MS4A13: variants seen among roughly 807,000 people sequenced by gnomAD.
MS4A13 encodes the protein membrane-spanning 4-domains subfamily A member 13.
Under a neutral mutation model 18.4 loss-of-function variants are expected in MS4A13, and 21 were observed. The observed-to-expected ratio is 1.14, with a 90% CI of 0.81 to 1.64. MS4A13 has a LOEUF of 1.64. Among genes scored for constraint, MS4A13 ranks in the 40% most tolerant of loss-of-function variants. The pLI, the probability that MS4A13 is intolerant of heterozygous loss-of-function variation, is 0.00. For synonymous variants in MS4A13, 62 were observed against 57.2 expected (o/e 1.08, Z -0.38); for missense variants, 173 against 176.8 (o/e 0.98, Z 0.12).
intron 5 of MS4A13, among the ~76,000 whole-genome samples, chr11:60,525,968 G>A (rs1331628332): frequency 1.3e-5 from 2 of 151,996 alleles, no homozygotes; most frequent in East Asian, 1.9e-4. Context: ...CACATTTAAA[G>A]TGAGGACAAA....
chr11:60,526,482 T>C (rs1391466450), intron 5 of MS4A13, among the ~76,000 whole-genome samples: 6 of 152,242 alleles, frequency 3.9e-5, no homozygotes, highest in Non-Finnish European at 7.3e-5. Flanking sequence ...TGACAAACTA[T>C]TGTAGTCTGT....
chr11:60,518,061 T>C lies in MS4A13; in HGVS notation c.-12-11T>C. 1.3e-6 allele frequency: 2 copies of C among 1,563,312 alleles called. No homozygotes were observed. The highest frequency in any genetic ancestry group is 1.7e-6 in the Non-Finnish European group (2 of 1,147,544). ...CATTATTTCGGTACTAACATAATTC[T>C]CTTCTCACAGACTATCCAGATTATG... is the stretch of plus-strand genomic sequence containing the variant. On this transcript the variant is annotated splice_polypyrimidine_tract_variant and intron_variant, in intron 2 of 6. Transcript: ENST00000378186.
downstream of MS4A13, among the ~76,000 whole-genome samples, chr11:60,542,921 T>C (rs1024701967): frequency 2.0e-5 from 3 of 152,162 alleles, no homozygotes; most frequent in Non-Finnish European, 2.9e-5. Context: ...TGATGTCGTA[T>C]AATTCACAGG....
intron 3 of MS4A13, among the ~76,000 whole-genome samples, chr11:60,520,588 C>T (rs1436365012): frequency 1.3e-5 from 2 of 152,268 alleles, no homozygotes; most frequent in Non-Finnish European, 2.9e-5. Context: ...TCTCCTTTGA[C>T]TCCATGTCTC....
At chr11:60,527,410 C>CTCTCTCTGTGTGTGTGTG (rs1555024373) in intron 5 of MS4A13, among the ~76,000 whole-genome samples, 6 of 28,786 alleles carry the variant, frequency 2.1e-4, no homozygotes, top group East Asian at 1.5e-3. Context: ...CTCTCTCTCT[C>CTCTCTCTGTGTGTGTGTG]TGTGTGTGTG....
intron 5 of MS4A13, among the ~76,000 whole-genome samples, chr11:60,527,410 C>CTCTCTCTCTGTGTGTGTGTGTG (rs1555024373): frequency 6.9e-5 from 2 of 28,786 alleles, no homozygotes; most frequent in Non-Finnish European, 1.1e-4. Context: ...CTCTCTCTCT[C>CTCTCTCTCTGTGTGTGTGTGTG]TGTGTGTGTG....
chr11:60,538,177 T>TTAAAA (rs60140970), intron 6 of MS4A13, among the ~76,000 whole-genome samples: 11,369 of 73,414 alleles, frequency 0.15, 681 homozygotes, highest in Admixed American at 0.27. Context: ...TAAAGTATAA[T>TTAAAA]AAAAAAAAAA....
rs1327205724 is a variant in MS4A13, at chr11:60,516,002, A to C, written c.-95A>C. On this transcript the variant is annotated 5_prime_UTR_variant, in exon 2 of 7. Coordinates refer to ENST00000378186, the MANE Select transcript of MS4A13 (RefSeq NM_001012417.3). ...TAATAAAGACATCACCAAAGGTTAAAGAGAAAATCATCTAGAGGAAATGCT... is the reference window on the plus strand; with the variant it reads ...TAATAAAGACATCACCAAAGGTTAACGAGAAAATCATCTAGAGGAAATGCT... The C allele has an allele frequency of 6.6e-6, 1 of 152,226 alleles. No homozygotes were observed. Among genetic ancestry groups the C allele is most frequent in the East Asian group, 1.9e-4 (1 of 5,202 alleles). The allele number at this position is 152,226 out of a possible 1,614,324, so 9.4% of individuals were successfully genotyped here. A position where few individuals can be genotyped will look rare whatever the true frequency, so the allele number is the denominator to read the frequency against.
intron 2 of MS4A13, among the ~76,000 whole-genome samples, chr11:60,516,802 G>A (rs1300671624): frequency 2.0e-5 from 3 of 152,006 alleles, no homozygotes; most frequent in Non-Finnish European, 2.9e-5. Context: ...AACAAGCATT[G>A]GCTAATTAGC....
At chr11:60,529,309 G>A (rs576577319) in intron 5 of MS4A13, 56 bp from the exon 6 acceptor site, 1 of 483,368 alleles carries the variant, frequency 2.1e-6, no homozygotes, top group East Asian at 5.9e-5. Context: ...CCATGATCAT[G>A]TTTGCACTCA....
intron 6 of MS4A13, among the ~76,000 whole-genome samples, chr11:60,538,080 T>C (rs2086822438): frequency 6.8e-6 from 1 of 147,298 alleles, no homozygotes; most frequent in Admixed American, 6.8e-5. Flanking sequence ...TAATGCTGGA[T>C]GACACGTTGG....
intron 3 of MS4A13, among the ~76,000 whole-genome samples, chr11:60,523,621 G>T (rs933482743): frequency 1.3e-5 from 2 of 152,128 alleles, no homozygotes; most frequent in African/African-American, 4.8e-5. Context: ...AGCAAACTTG[G>T]TTCCCGGTCA....
intron 2 of MS4A13, among the ~76,000 whole-genome samples, chr11:60,516,687 G>T (rs111471689): frequency 1.3e-5 from 2 of 152,198 alleles, no homozygotes; most frequent in African/African-American, 2.4e-5. Context: ...CTGGGGGCAG[G>T]GGGTAGGCGG....
Position 60,515,405 on chromosome 11 carries a change from G to T in MS4A13, c.-331G>T, listed in dbSNP as rs145980407. 3.9e-3 allele frequency: 589 copies of T among 152,440 alleles called. 8 individuals carry two copies. Among genetic ancestry groups the T allele is most frequent in the African/African-American group, 0.013 (548 of 41,600 alleles). The allele number at this position is 152,440 out of a possible 1,614,324, so 9.4% of individuals were successfully genotyped here. On this transcript the variant is annotated 5_prime_UTR_variant, in exon 1 of 7. Transcript: ENST00000378186. Reference sequence around the variant, plus strand: ...CCATTGCAGACCGTCACTCCCTGAGGAGCCTGAGAGCCGGCCGGGTGCTGG... The same window carrying T: ...CCATTGCAGACCGTCACTCCCTGAGTAGCCTGAGAGCCGGCCGGGTGCTGG...
At chr11:60,521,379 A>G (rs1440306432) in intron 3 of MS4A13, among the ~76,000 whole-genome samples, 1 of 152,144 alleles carries the variant, frequency 6.6e-6, no homozygotes, top group Non-Finnish European at 1.5e-5. Context: ...TTGAACTTTT[A>G]TGCTGTGCTT....
chr11:60,522,473 C>G lies in MS4A13; in HGVS notation c.130-1424C>G, dbSNP rs1213559639. Among the ~76,000 whole-genome samples the G allele has an allele frequency of 1.8e-4, 28 of 151,812 alleles. 2 individuals are homozygous for G. The highest frequency in any genetic ancestry group is 1.8e-3 in the Admixed American group (27 of 15,206). On this transcript the variant is annotated intron_variant, in intron 3 of 6. Coordinates refer to ENST00000378186, the MANE Select transcript of MS4A13 (RefSeq NM_001012417.3). ...TGGAGGAGAAAGAATGGTTGGATAG[C>G]AATAATGAGCAAGGAAACCACTTAT...
chr11:60,542,577 A>T lies in MS4A13; in HGVS notation c.*2A>T. 1 of 1,602,098 alleles carries T rather than the reference A, an allele frequency of 6.2e-7. No homozygotes were observed. The highest frequency in any genetic ancestry group is 8.5e-7 in the Non-Finnish European group (1 of 1,172,028). The stretch of plus-strand genomic sequence containing the variant: ...GAGGAAGCTGAGAGCACTCCTTAAA[A>T]ACCCTAGAAATATGAGAATTTTGCT... On this transcript the variant is annotated 3_prime_UTR_variant, in exon 7 of 7. Coordinates refer to ENST00000378186, the MANE Select transcript of MS4A13 (RefSeq NM_001012417.3).
At chr11:60,527,410 C>CTCTCTGTGTGTG (rs1555024373) in intron 5 of MS4A13, among the ~76,000 whole-genome samples, 3 of 28,806 alleles carry the variant, frequency 1.0e-4, no homozygotes, top group African/African-American at 3.2e-4. Context: ...CTCTCTCTCT[C>CTCTCTGTGTGTG]TGTGTGTGTG....
intron 5 of MS4A13, among the ~76,000 whole-genome samples, chr11:60,527,410 C>CTCTCTCTCTGTGTGTGTGTG (rs1555024373): frequency 3.5e-5 from 1 of 28,788 alleles, no homozygotes; most frequent in African/African-American, 1.6e-4. Flanking sequence ...CTCTCTCTCT[C>CTCTCTCTCTGTGTGTGTGTG]TGTGTGTGTG....
Sources: gnomAD v4.1 joint callset for allele counts (sites outside exome capture counted in the v4.1 genomes callset) on GRCh38, gnomAD v4.1.1 for gene constraint, MANE v1.5 for transcripts, NCBI Gene and HGNC (gene_info 2026-07-23, HGNC 2026-07-21) for gene names.